The following ARID5B variants were observed in gnomAD, a reference collection of about 807,000 sequenced individuals.
ARID5B encodes AT-rich interactive domain-containing protein 5B.
In ARID5B, 13 loss-of-function variants were observed where a neutral mutation model predicts 97.2. The observed-to-expected ratio is 0.13, with a 90% confidence interval of 0.09 to 0.21. The LOEUF is 0.21. ARID5B is among the 10% of genes least tolerant of loss of function. The pLI is 1.00. For synonymous variants in ARID5B, 556 were observed against 570.3 expected, an observed-to-expected ratio of 0.97 and a Z score of 0.36; for missense variants, 1,210 against 1,465.3, an observed-to-expected ratio of 0.83 and a Z score of 2.84.
intron 4 of ARID5B, among the ~76,000 whole-genome samples, chr10:62,007,939 C>A (rs978497864): frequency 6.6e-6 from 1 of 152,034 alleles, no homozygotes; most frequent in Non-Finnish European, 1.5e-5. Flanking sequence ...CCAGCTCTAT[C>A]CCATCACCCA....
chr10:62,080,347 A>G (rs993031377), intron 8 of ARID5B, among the ~76,000 whole-genome samples: 1 of 152,198 alleles, frequency 6.6e-6, no homozygotes, highest in Non-Finnish European at 1.5e-5. Flanking sequence ...TACTGTGCTC[A>G]ACCAGGGTTG....
intron 3 of ARID5B, among the ~76,000 whole-genome samples, chr10:61,992,111 C>A (rs948557135): frequency 6.6e-6 from 1 of 152,132 alleles, no homozygotes; most frequent in Admixed American, 6.5e-5. Context: ...GTAAGTCAGG[C>A]CCCATAGAAT....
At chr10:61,936,991 C>T (rs944674917) in intron 2 of ARID5B, among the ~76,000 whole-genome samples, 1 of 152,174 alleles carries the variant, frequency 6.6e-6, no homozygotes, top group African/African-American at 2.4e-5. Flanking sequence ...GCTGTCTTGG[C>T]AGATAGGAAA....
chr10:62,025,741 G>C (rs1258438681), intron 4 of ARID5B, among the ~76,000 whole-genome samples: 1 of 144,290 alleles, frequency 6.9e-6, no homozygotes, highest in Non-Finnish European at 1.5e-5. Context: ...CTTTATTTAT[G>C]TAGTTTCTTC....
chr10:62,015,536 G>C (rs776271884), intron 4 of ARID5B, among the ~76,000 whole-genome samples: 3 of 152,184 alleles, frequency 2.0e-5, no homozygotes, highest in Non-Finnish European at 2.9e-5. Context: ...ATACAGCAGT[G>C]CTCCTATGGG....
intron 2 of ARID5B, among the ~76,000 whole-genome samples, chr10:61,921,910 C>T (rs115124793): frequency 0.01 from 1,536 of 152,180 alleles, 38 homozygotes; most frequent in African/African-American, 0.035. Context: ...AGTGTGACCA[C>T]GGCTCACTGC....
chr10:61,940,162 T>C (rs79274707), intron 2 of ARID5B, 21 bp from the exon 3 acceptor site: 18,558 of 1,612,310 alleles, frequency 0.012, 169 homozygotes, highest in Admixed American at 0.017. Flanking sequence ...TTTTTTGTTC[T>C]TCCCCAACCA....
At chr10:62,024,602 A>T (rs1391106604) in intron 4 of ARID5B, 1 of 387,622 alleles carries the variant, frequency 2.6e-6, no homozygotes, top group East Asian at 3.6e-5. Flanking sequence ...TGAACAGATA[A>T]GAAGCTAGGA....
chr10:62,056,801 G>A (rs1348396385), intron 5 of ARID5B, among the ~76,000 whole-genome samples: 1 of 152,060 alleles, frequency 6.6e-6, no homozygotes, highest in African/African-American at 2.4e-5. Context: ...AAGTTTTATT[G>A]GAACACAGCC....
intron 8 of ARID5B, among the ~76,000 whole-genome samples, chr10:62,075,006 C>T (rs1317079916): frequency 6.6e-6 from 1 of 152,194 alleles, no homozygotes; most frequent in Admixed American, 6.5e-5. Context: ...TTTACAAAAG[C>T]ATCAGTCAGC....
chr10:62,091,284 C>T lies in ARID5B; in HGVS notation c.1821C>T (p.Asn607=). The change falls in exon 10 of 10, where the codon AAC becomes AAT. Residue 607 remains asparagine (N), a synonymous_variant. Transcript: ENST00000279873. The part of the protein sequence containing the change: ...SFPTTQPPLA[N]QNETEDDKLP... ...CCACCACACAGCCACCGCTGGCAAA[C>T]CAGAATGAGACGGAGGATGACAAAC... is the stretch of plus-strand genomic sequence containing the variant. 1 of 1,614,192 alleles carries T rather than the reference C, an allele frequency of 6.2e-7. No homozygotes were observed. Among genetic ancestry groups the T allele is most frequent in the East Asian group, 2.2e-5 (1 of 44,886 alleles).
At chr10:61,930,361 T>C (rs1478337527) in intron 2 of ARID5B, among the ~76,000 whole-genome samples, 3 of 152,174 alleles carry the variant, frequency 2.0e-5, no homozygotes, top group Admixed American at 2.0e-4. Context: ...GTGAATAGCA[T>C]TGGAAGACAA....
intron 4 of ARID5B, among the ~76,000 whole-genome samples, chr10:62,001,912 T>C (rs1453488819): frequency 6.6e-6 from 1 of 152,236 alleles, no homozygotes; most frequent in Non-Finnish European, 1.5e-5. Context: ...ATGTATGCAA[T>C]ACATTTTTTT....
intron 4 of ARID5B, among the ~76,000 whole-genome samples, chr10:62,021,465 G>C (rs1839355746): frequency 6.6e-6 from 1 of 152,150 alleles, no homozygotes; most frequent in African/African-American, 2.4e-5. Flanking sequence ...TGTAGCATTT[G>C]AATATGAAAG....
chr10:62,027,440 C>G (rs753740360), intron 4 of ARID5B, among the ~76,000 whole-genome samples: 6 of 148,820 alleles, frequency 4.0e-5, no homozygotes, highest in African/African-American at 7.3e-5. Context: ...TCCCAAGTAG[C>G]TGGGACTGCA....
chr10:62,048,405 A>G (rs1457745795), intron 4 of ARID5B, among the ~76,000 whole-genome samples: 1 of 152,202 alleles, frequency 6.6e-6, no homozygotes, highest in East Asian at 1.9e-4. Context: ...AAGGAGGGAA[A>G]AAAAGTTCAG....
intron 3 of ARID5B, among the ~76,000 whole-genome samples, chr10:61,983,538 G>C (rs1022867283): frequency 2.0e-5 from 3 of 152,090 alleles, no homozygotes; most frequent in Non-Finnish European, 4.4e-5. Context: ...CAAAGTATTG[G>C]TTCAGTCTAG....
At chr10:62,067,500 C>T (rs1840009606) in intron 7 of ARID5B, among the ~76,000 whole-genome samples, 1 of 152,228 alleles carries the variant, frequency 6.6e-6, no homozygotes, top group Non-Finnish European at 1.5e-5. Flanking sequence ...GTCCTCTTAG[C>T]TAGATTTCCC....
intron 4 of ARID5B, among the ~76,000 whole-genome samples, chr10:62,007,116 A>G (rs1564625991): frequency 6.6e-6 from 1 of 152,186 alleles, no homozygotes. Flanking sequence ...TCATTGAAAA[A>G]TCACAAGCAA....
Sources: allele counts gnomAD v4.1 joint callset (sites outside exome capture counted in the v4.1 genomes callset), GRCh38; gene constraint gnomAD v4.1.1; transcripts MANE v1.5; gene names NCBI Gene and HGNC (gene_info 2026-07-23, HGNC 2026-07-21).